COL19A1: variants seen among roughly 807,000 people sequenced by gnomAD.
COL19A1 encodes the protein collagen alpha-1(XIX) chain.
In COL19A1, 159 loss-of-function variants were observed where a neutral mutation model predicts 190.2. The ratio of observed to expected loss-of-function variants is 0.84; its 90% CI spans 0.73 to 0.95. COL19A1 has a LOEUF of 0.95. COL19A1 is among the 40% of genes least tolerant of loss of function. The pLI is 0.00. For missense variants in COL19A1, 1,418 were observed against 1,431.9 expected (o/e 0.99, Z 0.16); for synonymous variants, 509 against 458.9 (o/e 1.11, Z -1.39).
chr6:70,041,094 C>CA, intron 14 of COL19A1, among the ~76,000 whole-genome samples: 3 of 152,126 alleles, frequency 2.0e-5, no homozygotes, highest in Admixed American at 2.0e-4. Context: ...ATTACACACA[C>CA]AAAAAAGAAA....
chr6:69,971,916 A>G (rs575620617), intron 11 of COL19A1, among the ~76,000 whole-genome samples: 3 of 152,290 alleles, frequency 2.0e-5, no homozygotes, highest in South Asian at 2.1e-4. Flanking sequence ...TTACAAAACT[A>G]TTCATGTGGC....
intron 16 of COL19A1, among the ~76,000 whole-genome samples, chr6:70,121,635 T>G (rs1406881552): frequency 2.0e-5 from 3 of 152,144 alleles, no homozygotes; most frequent in Non-Finnish European, 4.4e-5. Flanking sequence ...GACCTTCTGG[T>G]AAAATGTTAC....
chr6:70,059,745 A>G (rs1262908035), intron 14 of COL19A1: 1 of 525,758 alleles, frequency 1.9e-6, no homozygotes, highest in Admixed American at 2.0e-5. Flanking sequence ...ACCTATGCAG[A>G]TGTTTACCTT....
chr6:70,055,437 A>T (rs2150136209), intron 14 of COL19A1, among the ~76,000 whole-genome samples: 1 of 152,112 alleles, frequency 6.6e-6, no homozygotes, highest in South Asian at 2.1e-4. Context: ...CTAGCTACAG[A>T]TGAATGGTTA....
At chr6:70,067,270 A>T (rs766329009) in intron 14 of COL19A1, among the ~76,000 whole-genome samples, 1 of 152,140 alleles carries the variant, frequency 6.6e-6, no homozygotes, top group Non-Finnish European at 1.5e-5. Flanking sequence ...GAGCAAGAAT[A>T]TGGGAGCAGC....
chr6:70,175,572 A>G (rs890928866), intron 41 of COL19A1, among the ~76,000 whole-genome samples: 25 of 152,192 alleles, frequency 1.6e-4, no homozygotes, highest in African/African-American at 6.0e-4. Flanking sequence ...TGTTTCTGAT[A>G]TTTCTGTTAT....
intron 14 of COL19A1, among the ~76,000 whole-genome samples, chr6:70,062,904 A>C (rs1240045642): frequency 6.6e-6 from 1 of 151,886 alleles, no homozygotes; most frequent in East Asian, 1.9e-4. Flanking sequence ...ATAATGGTAA[A>C]GGGATCAATT....
intron 15 of COL19A1, among the ~76,000 whole-genome samples, chr6:70,077,898 A>G (rs974179515): frequency 6.6e-6 from 1 of 152,208 alleles, no homozygotes; most frequent in Non-Finnish European, 1.5e-5. Flanking sequence ...AAAGAGCAAG[A>G]TATCATTGGA....
chr6:69,906,763 C>G (rs1161272005), intron 4 of COL19A1, among the ~76,000 whole-genome samples: 2 of 152,108 alleles, frequency 1.3e-5, no homozygotes, highest in Non-Finnish European at 2.9e-5. Flanking sequence ...CAATTGGTGT[C>G]TACTTTATGA....
intron 1 of COL19A1, among the ~76,000 whole-genome samples, chr6:69,866,906 G>A (rs1179715075): frequency 6.6e-6 from 1 of 152,122 alleles, no homozygotes; most frequent in African/African-American, 2.4e-5. Context: ...GTGTTCCTAT[G>A]TTCACATGAT....
chr6:70,002,787 T>C (rs1777344888), intron 11 of COL19A1, among the ~76,000 whole-genome samples: 1 of 150,806 alleles, frequency 6.6e-6, no homozygotes, highest in African/African-American at 2.4e-5. Flanking sequence ...GCTAGTGATC[T>C]ATCCATGTTG....
chr6:70,141,763 A>C (rs1786266202), intron 20 of COL19A1, 130 bp from the exon 21 acceptor site: 1 of 639,316 alleles, frequency 1.6e-6, no homozygotes, highest in South Asian at 2.1e-5. Flanking sequence ...ACTCTCCTTG[A>C]TTTTATTGTG....
At chr6:69,995,170 G>A (rs2150077658) in intron 11 of COL19A1, among the ~76,000 whole-genome samples, 1 of 152,292 alleles carries the variant, frequency 6.6e-6, no homozygotes, top group African/African-American at 2.4e-5. Context: ...ATGCCACCTT[G>A]CCAACATGTT....
chr6:70,070,618 G>T (rs149940999), intron 15 of COL19A1, among the ~76,000 whole-genome samples: 289 of 152,166 alleles, frequency 1.9e-3, no homozygotes, highest in Non-Finnish European at 3.6e-3. Context: ...TACTTTATAA[G>T]CTACTTGAAT....
At chr6:70,064,569 T>C (rs1401600648) in intron 14 of COL19A1, among the ~76,000 whole-genome samples, 8 of 152,194 alleles carry the variant, frequency 5.3e-5, no homozygotes, top group South Asian at 2.1e-4. Context: ...GATGCCCTCC[T>C]TCACCACTCC....
chr6:70,203,322 G>A (rs1767663643), intron 49 of COL19A1, among the ~76,000 whole-genome samples: 1 of 152,144 alleles, frequency 6.6e-6, no homozygotes, highest in African/African-American at 2.4e-5. Context: ...GTTCCAAAAG[G>A]ACAGTAGTGG....
intron 2 of COL19A1, among the ~76,000 whole-genome samples, chr6:69,883,674 A>G (rs796453279): frequency 5.6e-4 from 85 of 152,352 alleles, no homozygotes; most frequent in African/African-American, 2.0e-3. Flanking sequence ...GAACTCGTTT[A>G]CATTTATTTT....
intron 27 of COL19A1, among the ~76,000 whole-genome samples, chr6:70,149,273 TAG>T (rs1786876627): frequency 6.6e-6 from 1 of 152,130 alleles, no homozygotes; most frequent in Admixed American, 6.6e-5. Context: ...AATCATTGAT[TAG>T]TGTTTTACCT....
chr6:70,142,177 A>G, intron 22 of COL19A1, 101 bp downstream of exon 22: 1 of 1,042,882 alleles, frequency 9.6e-7, no homozygotes, highest in Non-Finnish European at 1.4e-6. Context: ...TTTCTTCACA[A>G]ATGCTCTCCA....
Sources: allele counts gnomAD v4.1 joint callset (sites outside exome capture counted in the v4.1 genomes callset), GRCh38; gene constraint gnomAD v4.1.1; transcripts MANE v1.5; gene names NCBI Gene and HGNC (gene_info 2026-07-23, HGNC 2026-07-21).